Variants in WDFY3 observed in about 807,000 individuals in gnomAD.
WDFY3 encodes the protein WD repeat and FYVE domain-containing protein 3.
Under a neutral mutation model 409.6 loss-of-function variants are expected in WDFY3, and 66 were observed. The ratio of observed to expected loss-of-function variants is 0.16; its 90% confidence interval spans 0.13 to 0.20. The LOEUF is 0.20. Ranked by LOEUF, WDFY3 falls within the 10% of genes least tolerant of loss-of-function variation. WDFY3 has a pLI of 1.00. For synonymous variants in WDFY3, 1,521 were observed against 1,537.1 expected (o/e 0.99, Z 0.25); for missense variants, 3,031 against 4,298.1 (o/e 0.71, Z 8.24).
chr4:84,794,603 G>A lies in WDFY3; in HGVS notation c.3403C>T (p.His1135Tyr). 1 of 1,614,146 alleles carries A rather than the reference G, an allele frequency of 6.2e-7. No individual in the cohort carries two copies. The highest frequency in any genetic ancestry group is 8.5e-7 in the Non-Finnish European group (1 of 1,180,026). The change falls in exon 21 of 68, where the codon CAT becomes TAT. Residue 1135 changes from histidine to tyrosine, a missense_variant. By Grantham distance (83) the His-to-Tyr change is moderately conservative. Around this residue, in one of 16 missense-constraint regions of WDFY3, gnomAD observed 1,322 missense variants for 1,697.9 expected, o/e 0.78. Coordinates refer to ENST00000295888, the MANE Select transcript of WDFY3 (RefSeq NM_014991.6). ...VVRRANSSEQ[H>Y]YVCLAIVLSA... ...AGAACTATTGCAAGGCACACGTAATGTTGCTCAGAAGAATTTGCTCGGCGC... is the reference window on the plus strand; with the variant it reads ...AGAACTATTGCAAGGCACACGTAATATTGCTCAGAAGAATTTGCTCGGCGC...
At chr4:84,800,849 G>A (rs771303458) in intron 17 of WDFY3, among the ~76,000 whole-genome samples, 81 of 152,130 alleles carry the variant, frequency 5.3e-4, no homozygotes, top group Non-Finnish European at 1.1e-3. Flanking sequence ...TAATGCTACT[G>A]CTGATTTGAC....
chr4:84,757,813 C>G (rs1741712549), intron 32 of WDFY3, among the ~76,000 whole-genome samples: 1 of 152,086 alleles, frequency 6.6e-6, no homozygotes, highest in Non-Finnish European at 1.5e-5. Context: ...AACTAGTTAA[C>G]CTTAAATTAC....
At chr4:84,695,527 G>C (rs553024028) in intron 58 of WDFY3, among the ~76,000 whole-genome samples, 1 of 150,874 alleles carries the variant, frequency 6.6e-6, no homozygotes, top group Non-Finnish European at 1.5e-5. Context: ...GAGAGAGAGA[G>C]AGAGAGAGAG....
At chr4:84,756,219 T>C (rs776065059) in intron 33 of WDFY3, among the ~76,000 whole-genome samples, 2 of 152,188 alleles carry the variant, frequency 1.3e-5, no homozygotes, top group Non-Finnish European at 2.9e-5. Context: ...AATCCTGTCA[T>C]ACCCACTCGA....
chr4:84,768,533 A>G (rs1744084528), intron 30 of WDFY3, among the ~76,000 whole-genome samples: 3 of 152,186 alleles, frequency 2.0e-5, no homozygotes, highest in Admixed American at 2.0e-4. Context: ...GCTAAATGAA[A>G]TACCAGAGTC....
In WDFY3 at chr4:84,801,114, G is replaced by A. The variant is rs552891059; in HGVS notation, c.2822+536C>T. Among the ~76,000 whole-genome samples the A allele has an allele frequency of 6.6e-5, 10 of 151,282 alleles. No individual in the cohort carries two copies. In the South Asian group the frequency reaches 1.7e-3, roughly 25 times the overall value. On this transcript the variant is annotated intron_variant, in intron 17 of 67. Transcript: ENST00000295888. ...GAGAAATCTTTGTGACATCGTAATT[G>A]TGTGGTGATTACATGAATCTACACA...
intron 2 of WDFY3, among the ~76,000 whole-genome samples, chr4:84,929,936 G>C (rs1418077664): frequency 1.3e-5 from 2 of 151,466 alleles, no homozygotes; most frequent in African/African-American, 4.9e-5. Flanking sequence ...CTAGACACAA[G>C]AGACATGCAT....
chr4:84,913,409 G>C (rs1030293035), intron 2 of WDFY3, among the ~76,000 whole-genome samples: 2 of 152,162 alleles, frequency 1.3e-5, no homozygotes, highest in African/African-American at 4.8e-5. Context: ...TGATAGAGCT[G>C]ATCAGGAAAC....
chr4:84,737,919 C>G (rs1737737594), intron 40 of WDFY3, among the ~76,000 whole-genome samples: 1 of 152,086 alleles, frequency 6.6e-6, no homozygotes. Flanking sequence ...TTCAGTAGGT[C>G]AGAGTAGGGC....
chr4:84,743,255 T>C (rs1738774421), intron 37 of WDFY3, among the ~76,000 whole-genome samples: 1 of 152,156 alleles, frequency 6.6e-6, no homozygotes, highest in Non-Finnish European at 1.5e-5. Context: ...TGTAATTAGA[T>C]ACAGACATAC....
intron 1 of WDFY3, among the ~76,000 whole-genome samples, chr4:84,953,847 A>T (rs958694659): frequency 5.3e-5 from 8 of 151,850 alleles, no homozygotes; most frequent in African/African-American, 1.9e-4. Context: ...CACCAAAGAA[A>T]TTTGATCAAT....
At position 84,694,402 on chromosome 4, in the gene WDFY3, T is replaced by C. The variant is rs531046406; in HGVS notation, c.8902-1370A>G. Among the ~76,000 whole-genome samples, 3 of 152,326 alleles carry C rather than the reference T, an allele frequency of 2.0e-5. No homozygotes were observed. In the South Asian group the frequency reaches 6.2e-4, roughly 32 times the overall value. ...TTACTCAATGTGTGTCCCAGAAATATGTTGGCATCCAAACGATACTTCCCA... is the reference window on the plus strand; with the variant it reads ...TTACTCAATGTGTGTCCCAGAAATACGTTGGCATCCAAACGATACTTCCCA... On this transcript the variant is annotated intron_variant, in intron 58 of 67. Coordinates refer to ENST00000295888, the MANE Select transcript of WDFY3 (RefSeq NM_014991.6).
At chr4:84,911,208 C>T (rs1201999586) in intron 2 of WDFY3, among the ~76,000 whole-genome samples, 2 of 152,102 alleles carry the variant, frequency 1.3e-5, no homozygotes, top group Non-Finnish European at 2.9e-5. Flanking sequence ...ACCCCTATAA[C>T]TCAACAACAA....
chr4:84,849,723 G>C (rs1163482736), intron 5 of WDFY3, 179 bp downstream of exon 5: 1 of 741,340 alleles, frequency 1.3e-6, no homozygotes, highest in Non-Finnish European at 2.1e-6. Context: ...AGAACTACTG[G>C]AGAGTTGAAG....
chr4:84,917,855 T>C (rs1170424004), intron 2 of WDFY3, among the ~76,000 whole-genome samples: 1 of 152,030 alleles, frequency 6.6e-6, no homozygotes, highest in Non-Finnish European at 1.5e-5. Flanking sequence ...AAGAGCTTAG[T>C]AATAATTTAA....
intron 11 of WDFY3, 109 bp from the exon 12 acceptor site, chr4:84,820,295 T>A: frequency 1.2e-6 from 1 of 811,522 alleles, no homozygotes; most frequent in Non-Finnish European, 1.9e-6. Context: ...GTTTTACCCC[T>A]AATAGGACAG....
chr4:84,953,894 T>C (rs972278864), intron 1 of WDFY3, among the ~76,000 whole-genome samples: 2 of 152,136 alleles, frequency 1.3e-5, no homozygotes, highest in African/African-American at 4.8e-5. Context: ...TATCTTAGGG[T>C]TCTCTTAATC....
chr4:84,752,313 A>C (rs1740672098), intron 35 of WDFY3, among the ~76,000 whole-genome samples: 1 of 152,164 alleles, frequency 6.6e-6, no homozygotes, highest in African/African-American at 2.4e-5. Context: ...CAGGAGTTCG[A>C]GACTAGCCTG....
intron 7 of WDFY3, among the ~76,000 whole-genome samples, chr4:84,832,400 T>A (rs1168548185): frequency 2.0e-5 from 3 of 152,142 alleles, no homozygotes; most frequent in Admixed American, 2.0e-4. Flanking sequence ...TGGGAGTAAG[T>A]TCTAGTGTTC....
Sources: gnomAD v4.1 joint callset for allele counts (sites outside exome capture counted in the v4.1 genomes callset) on GRCh38, gnomAD v4.1.1 for gene constraint, gnomAD v4.1.1 regional missense constraint, MANE v1.5 for transcripts, NCBI Gene and HGNC (gene_info 2026-07-23, HGNC 2026-07-21) for gene names.